The following CACNA2D3 variants were observed in gnomAD, a reference collection of about 807,000 sequenced individuals.
The protein encoded by CACNA2D3 is calcium voltage-gated channel auxiliary subunit alpha2delta 3.
A neutral mutation model predicts 160.6 loss-of-function variants in CACNA2D3; 60 were observed. That is an observed-to-expected ratio of 0.37 (90% CI 0.30 to 0.46). The LOEUF (loss-of-function observed/expected upper bound fraction) is 0.46, where lower values mean the gene tolerates loss of function less well. Among genes scored for constraint, CACNA2D3 ranks in the 20% least tolerant of loss-of-function variants. The probability of loss-of-function intolerance (pLI) is 1.00; values close to 1 mark genes in which losing one functional copy is unlikely to be tolerated. For synonymous variants in CACNA2D3, 558 were observed against 492.9 expected (o/e 1.13, Z -1.75); for missense variants, 1,205 against 1,365.0 (o/e 0.88, Z 1.85).
intron 9 of CACNA2D3, chr3:54,626,701 A>AAAAAAAAAG: frequency 1.3e-6 from 1 of 747,228 alleles, no homozygotes; most frequent in Non-Finnish European, 2.2e-6. Context: ...AAAAAAAAAA[A>AAAAAAAAAG]AAAAAAAAGA....
At chr3:54,884,646 T>G (rs1699881900) in intron 21 of CACNA2D3, among the ~76,000 whole-genome samples, 1 of 152,194 alleles carries the variant, frequency 6.6e-6, no homozygotes, top group East Asian at 1.9e-4. Context: ...GTCTGGAACC[T>G]TCTATTAAAA....
chr3:54,813,975 C>T (rs1463156219), intron 13 of CACNA2D3, among the ~76,000 whole-genome samples: 6 of 151,378 alleles, frequency 4.0e-5, no homozygotes. Context: ...GGTGATTCTC[C>T]CCACCTCAGC....
intron 3 of CACNA2D3, among the ~76,000 whole-genome samples, chr3:54,344,495 A>G (rs1698421817): frequency 6.6e-6 from 1 of 152,218 alleles, no homozygotes; most frequent in Non-Finnish European, 1.5e-5. Context: ...ACGAGAAATC[A>G]TTTATCCCCA....
intron 27 of CACNA2D3, among the ~76,000 whole-genome samples, chr3:54,909,279 T>A (rs1401072219): frequency 6.6e-6 from 1 of 152,172 alleles, no homozygotes; most frequent in Non-Finnish European, 1.5e-5. Context: ...ACATTGAAAA[T>A]GCCCTCACAT....
At chr3:54,927,930 G>A (rs189764000) in intron 27 of CACNA2D3, 1,872 of 1,613,286 alleles carry the variant, frequency 1.2e-3, no homozygotes, top group Non-Finnish European at 1.4e-3. Flanking sequence ...CTCCTTGGGC[G>A]TCCTTGCTGA....
chr3:55,053,545 AT>A (rs1197827150), intron 35 of CACNA2D3, among the ~76,000 whole-genome samples: 2 of 151,926 alleles, frequency 1.3e-5, no homozygotes, highest in Non-Finnish European at 2.9e-5. Context: ...AAATCTGAAT[AT>A]TTTTATGCTG....
chr3:54,552,675 CT>C (rs771211416), intron 5 of CACNA2D3, among the ~76,000 whole-genome samples: 6 of 152,228 alleles, frequency 3.9e-5, no homozygotes, highest in Admixed American at 2.0e-4. Context: ...TAAGTGCCCC[CT>C]AAGTGGCCAT....
chr3:54,652,470 A>C (rs1575407004), intron 11 of CACNA2D3, among the ~76,000 whole-genome samples: 1 of 152,292 alleles, frequency 6.6e-6, no homozygotes, highest in East Asian at 1.9e-4. Flanking sequence ...CCTGAGACAG[A>C]GAATGGGTAA....
At chr3:54,953,490 G>A (rs952095028) in intron 27 of CACNA2D3, among the ~76,000 whole-genome samples, 6 of 152,162 alleles carry the variant, frequency 3.9e-5, no homozygotes, top group East Asian at 1.9e-4. Flanking sequence ...AAGCCTTCGC[G>A]CTTGGTGGTC....
At chr3:54,851,509 T>G (rs1699057415) in intron 17 of CACNA2D3, among the ~76,000 whole-genome samples, 1 of 152,218 alleles carries the variant, frequency 6.6e-6, no homozygotes, top group Non-Finnish European at 1.5e-5. Context: ...CTAAGTTCAC[T>G]CTGCTGCGTG....
chr3:54,202,858 C>T lies in CACNA2D3; in HGVS notation c.204+79264C>T, dbSNP rs574831487. On this transcript the variant is annotated intron_variant, in intron 2 of 37. Transcript: ENST00000474759. ...TCCCTTCTCTCCCCACTACTTGACT[C>T]TCCAAAGAGTCCATGTTTGGAGAGG... Among the ~76,000 whole-genome samples the T allele has an allele frequency of 3.3e-5, 5 of 152,318 alleles. No homozygotes were observed. In the South Asian group the frequency reaches 6.2e-4, roughly 19 times the overall value.
chr3:54,288,406 G>A (rs1221085853), intron 2 of CACNA2D3, among the ~76,000 whole-genome samples: 1 of 152,100 alleles, frequency 6.6e-6, no homozygotes, highest in Non-Finnish European at 1.5e-5. Flanking sequence ...ACCAATAACA[G>A]GATCTGAAAT....
chr3:54,269,602 G>A (rs1311063647), intron 2 of CACNA2D3, among the ~76,000 whole-genome samples: 1 of 152,118 alleles, frequency 6.6e-6, no homozygotes, highest in Non-Finnish European at 1.5e-5. Context: ...ACTGTGTAAA[G>A]CATGTAAAGA....
At chr3:54,244,964 G>T (rs1702043212) in intron 2 of CACNA2D3, among the ~76,000 whole-genome samples, 1 of 152,190 alleles carries the variant, frequency 6.6e-6, no homozygotes, top group Admixed American at 6.5e-5. Context: ...GCCAGAACAA[G>T]AACTCAAGAA....
intron 2 of CACNA2D3, among the ~76,000 whole-genome samples, chr3:54,284,254 A>C (rs1351855547): frequency 1.3e-5 from 2 of 152,038 alleles, no homozygotes; most frequent in African/African-American, 2.4e-5. Flanking sequence ...GCACCCTAAA[A>C]CTTAAAGTAT....
At chr3:54,848,555 TG>T (rs1698985746) in intron 17 of CACNA2D3, among the ~76,000 whole-genome samples, 1 of 152,160 alleles carries the variant, frequency 6.6e-6, no homozygotes, top group Non-Finnish European at 1.5e-5. Context: ...TCTCTCACCC[TG>T]AGGCCATCAG....
intron 35 of CACNA2D3, among the ~76,000 whole-genome samples, chr3:55,021,663 G>A (rs9857652): frequency 2.8e-5 from 4 of 140,622 alleles, no homozygotes; most frequent in Admixed American, 7.1e-5. Flanking sequence ...ATATATGTGT[G>A]TGTATATATA....
intron 17 of CACNA2D3, among the ~76,000 whole-genome samples, chr3:54,851,247 G>A (rs1699051773): frequency 1.3e-5 from 2 of 152,200 alleles, no homozygotes; most frequent in Admixed American, 6.5e-5. Context: ...CCTTGGAAAG[G>A]CCTAGAGGCT....
At chr3:54,790,970 G>C (rs967556425) in intron 13 of CACNA2D3, among the ~76,000 whole-genome samples, 4 of 152,096 alleles carry the variant, frequency 2.6e-5, no homozygotes, top group Non-Finnish European at 5.9e-5. Flanking sequence ...GTCTCCTGCT[G>C]TGCACTATTA....
Sources: gnomAD v4.1 joint callset for allele counts (sites outside exome capture counted in the v4.1 genomes callset) on GRCh38, gnomAD v4.1.1 for gene constraint, MANE v1.5 for transcripts, NCBI Gene and HGNC (gene_info 2026-07-23, HGNC 2026-07-21) for gene names.